Variants in CEP83 observed in about 807,000 individuals in gnomAD.
The protein encoded by CEP83 is centrosomal protein of 83 kDa.
CEP83 carries 70 observed loss-of-function variants against 101.9 expected under a neutral mutation model. That is an observed-to-expected ratio of 0.69 (90% CI 0.57 to 0.84). CEP83 has a LOEUF of 0.84. CEP83 is among the 40% of genes least tolerant of loss of function. The pLI is 0.00. For missense variants in CEP83, 715 were observed against 787.2 expected (o/e 0.91, Z 1.10); for synonymous variants, 264 against 267.9 (o/e 0.99, Z 0.14).
the CEP83 span, among the ~76,000 whole-genome samples, chr12:94,291,656 G>A: frequency 6.6e-4 from 101 of 152,204 alleles, no homozygotes; most frequent in African/African-American, 2.2e-3. Context: ...CATCCCTCCC[G>A]AAGAAACCTT....
chr12:94,445,918 G>A (rs1427961514), intron 1 of CEP83, among the ~76,000 whole-genome samples: 1 of 152,202 alleles, frequency 6.6e-6, no homozygotes, highest in African/African-American at 2.4e-5. Flanking sequence ...CTGAACCCTA[G>A]AGCAGGCTGG....
At chr12:94,400,203 C>A (rs1284282630) in intron 6 of CEP83, among the ~76,000 whole-genome samples, 1 of 152,134 alleles carries the variant, frequency 6.6e-6, no homozygotes, top group African/African-American at 2.4e-5. Context: ...TCCTCTCTTT[C>A]AATTTGAAAA....
chr12:94,282,110 A>G, the CEP83 span: 1 of 522,256 alleles, frequency 1.9e-6, no homozygotes, highest in Non-Finnish European at 3.4e-6. Flanking sequence ...TTGAAACATC[A>G]GAGCCCTAAA....
chr12:94,348,359 T>G (rs955414896), intron 11 of CEP83, among the ~76,000 whole-genome samples: 2 of 152,174 alleles, frequency 1.3e-5, no homozygotes, highest in Non-Finnish European at 2.9e-5. Context: ...GAACTCAATG[T>G]CAACCATTTT....
intron 14 of CEP83, among the ~76,000 whole-genome samples, chr12:94,315,774 T>C (rs1374293297): frequency 1.3e-5 from 2 of 152,122 alleles, no homozygotes; most frequent in Non-Finnish European, 2.9e-5. Context: ...TTTAATCTAT[T>C]GACTCACTAC....
downstream of CEP83, chr12:94,307,360 C>T (rs1318479049): frequency 1.3e-5 from 2 of 152,182 alleles, no homozygotes; most frequent in Non-Finnish European, 2.9e-5. Flanking sequence ...TCACATTAGC[C>T]AAATGCAGTA....
At chr12:94,274,709 A>C in the CEP83 span, among the ~76,000 whole-genome samples, 1 of 152,180 alleles carries the variant, frequency 6.6e-6, no homozygotes, top group Non-Finnish European at 1.5e-5. Flanking sequence ...TTTACAAAAC[A>C]TTCTTGTACT....
At chr12:94,419,041 A>T (rs2064506119) in intron 2 of CEP83, among the ~76,000 whole-genome samples, 1 of 151,982 alleles carries the variant, frequency 6.6e-6, no homozygotes, top group Non-Finnish European at 1.5e-5. Flanking sequence ...AAAGGAATAG[A>T]AGGTATAAAA....
In CEP83 at chr12:94,312,933, C is replaced by T. The variant is rs1287691964; in HGVS notation, c.1792G>A (p.Glu598Lys). The change falls in exon 15 of 17, where the codon GAA becomes AAA. Residue 598 changes from glutamate (E) to lysine (K), a missense_variant. Glu to Lys is a moderately conservative substitution (Grantham distance 56). Coordinates refer to ENST00000397809, the MANE Select transcript of CEP83 (RefSeq NM_016122.3). Reference protein sequence around the residue: ...LEAKKEELETENQVLNRQNVP... With the variant: ...LEAKKEELETKNQVLNRQNVP... ...CATTACCTATTTAAGACCTGATTTT[C>T]TGTTTCCAATTCTTCTTTCTTTGCC... 6.3e-7 allele frequency: 1 copy of T among 1,575,522 alleles called. No individual in the cohort carries two copies. Among genetic ancestry groups the T allele is most frequent in the African/African-American group, 1.4e-5 (1 of 73,740 alleles).
At chr12:94,407,368 C>A (rs2063606707) in intron 4 of CEP83, among the ~76,000 whole-genome samples, 2 of 152,126 alleles carry the variant, frequency 1.3e-5, no homozygotes, top group South Asian at 4.1e-4. Flanking sequence ...AGAACAGCAG[C>A]CAAAAAACCA....
At chr12:94,392,349 G>T (rs879934747) in intron 6 of CEP83, among the ~76,000 whole-genome samples, 4 of 152,034 alleles carry the variant, frequency 2.6e-5, no homozygotes, top group Non-Finnish European at 4.4e-5. Context: ...TCAAAACCAC[G>T]CAACTACATG....
chr12:94,285,274 T>C, the CEP83 span, among the ~76,000 whole-genome samples: 3 of 152,200 alleles, frequency 2.0e-5, no homozygotes, highest in Non-Finnish European at 2.9e-5. Flanking sequence ...CCTAGGACTC[T>C]GCCAGATTCT....
At chr12:94,336,291 C>G (rs1282108714) in intron 11 of CEP83, among the ~76,000 whole-genome samples, 3 of 152,188 alleles carry the variant, frequency 2.0e-5, no homozygotes, top group Non-Finnish European at 2.9e-5. Context: ...CAGAGCAGCT[C>G]TAGTGACCAA....
intron 2 of CEP83, among the ~76,000 whole-genome samples, chr12:94,430,856 A>G (rs920645344): frequency 6.6e-6 from 1 of 152,180 alleles, no homozygotes; most frequent in African/African-American, 2.4e-5. Context: ...GAGAATTCCA[A>G]AAACAGCGAA....
At chr12:94,393,038 A>G (rs1171342362) in intron 6 of CEP83, among the ~76,000 whole-genome samples, 1 of 152,356 alleles carries the variant, frequency 6.6e-6, no homozygotes, top group Admixed American at 6.5e-5. Flanking sequence ...GCTGAATTCT[A>G]CCAGAGGTAC....
intron 14 of CEP83, among the ~76,000 whole-genome samples, chr12:94,319,743 C>A (rs939835159): frequency 6.6e-6 from 1 of 152,150 alleles, no homozygotes; most frequent in East Asian, 1.9e-4. Flanking sequence ...AGTTCTTTTG[C>A]ATTTGCTGAG....
At chr12:94,399,238 T>C (rs1386874484) in intron 6 of CEP83, among the ~76,000 whole-genome samples, 3 of 152,220 alleles carry the variant, frequency 2.0e-5, no homozygotes, top group East Asian at 1.9e-4. Context: ...GGCATCACAG[T>C]CCTACCAATA....
chr12:94,403,662 G>T (rs2063377585), intron 4 of CEP83, among the ~76,000 whole-genome samples: 1 of 151,994 alleles, frequency 6.6e-6, no homozygotes, highest in African/African-American at 2.4e-5. Flanking sequence ...ATTAGAAAAG[G>T]CTCATTTTTA....
intron 11 of CEP83, among the ~76,000 whole-genome samples, chr12:94,353,795 T>C (rs1002486488): frequency 6.7e-6 from 1 of 148,834 alleles, no homozygotes; most frequent in Non-Finnish European, 1.5e-5. Flanking sequence ...CTTACTTATA[T>C]CAGATAAAAT....
Sources: allele counts gnomAD v4.1 joint callset (sites outside exome capture counted in the v4.1 genomes callset), GRCh38; gene constraint gnomAD v4.1.1; transcripts MANE v1.5; gene names NCBI Gene and HGNC (gene_info 2026-07-23, HGNC 2026-07-21).